Variants in EFNB2 observed in about 807,000 individuals in gnomAD.
EFNB2 encodes the protein ephrin B2, also known as ephrin-B2.
A neutral mutation model predicts 32.1 loss-of-function variants in EFNB2; 5 were observed. The ratio of observed to expected loss-of-function variants is 0.16; its 90% CI spans 0.08 to 0.33. EFNB2 has a LOEUF of 0.33. Ranked by LOEUF, EFNB2 falls within the 10% of genes least tolerant of loss-of-function variation. The pLI is 1.00. For missense variants in EFNB2, 263 were observed against 422.6 expected, an observed-to-expected ratio of 0.62 and a Z score of 3.31; for synonymous variants, 168 against 166.5, an observed-to-expected ratio of 1.01 and a Z score of -0.07.
intron 2 of EFNB2, among the ~76,000 whole-genome samples, chr13:106,502,234 T>C (rs1014037771): frequency 6.6e-5 from 10 of 152,212 alleles, no homozygotes; most frequent in Admixed American, 2.0e-4. Flanking sequence ...TTTTCTGCAC[T>C]AAACAGAATA....
intron 1 of EFNB2, among the ~76,000 whole-genome samples, chr13:106,534,231 G>A (rs1352579742): frequency 2.0e-5 from 3 of 152,170 alleles, no homozygotes; most frequent in African/African-American, 7.2e-5. Flanking sequence ...CGGCGCGGAG[G>A]AAAGGGCTCG....
At chr13:106,526,373 G>GT (rs1484564130) in intron 1 of EFNB2, among the ~76,000 whole-genome samples, 2 of 152,178 alleles carry the variant, frequency 1.3e-5, no homozygotes, top group African/African-American at 2.4e-5. Context: ...TTTAGGACAG[G>GT]TAGAGTGGTG....
rs979026901 is a variant in EFNB2 at position 106,490,761 on chromosome 13, T to C, written c.*2279A>G. The C allele has an allele frequency of 1.3e-5, 2 of 151,898 alleles. No homozygotes were observed. Among genetic ancestry groups the C allele is most frequent in the Non-Finnish European group, 2.9e-5 (2 of 67,954 alleles). The allele number at this position is 151,898 out of a possible 1,614,324, so 9.4% of individuals were successfully genotyped here. Reference sequence around the variant, plus strand: ...ATGATATAGATATATATAATATATATTGTAGATATATATTATACATATATG... The same window carrying C: ...ATGATATAGATATATATAATATATACTGTAGATATATATTATACATATATG... On this transcript the variant is annotated 3_prime_UTR_variant, in exon 5 of 5. Coordinates refer to ENST00000646441, the MANE Select transcript of EFNB2 (RefSeq NM_004093.4).
At chr13:106,522,537 G>A (rs9558780) in intron 1 of EFNB2, among the ~76,000 whole-genome samples, 92,140 of 152,060 alleles carry the variant, frequency 0.61, 28,862 homozygotes, top group East Asian at 0.76. Flanking sequence ...GCTCACGTAA[G>A]TCATACAGGG....
intron 1 of EFNB2, chr13:106,516,601 T>A (rs1879320166): frequency 6.6e-6 from 1 of 151,266 alleles, no homozygotes; most frequent in South Asian, 2.1e-4. Context: ...GGGAAACACA[T>A]TTTTTTCCCC....
At chr13:106,512,860 T>A in intron 1 of EFNB2, 48 bp from the exon 2 acceptor site, 1 of 1,468,910 alleles carries the variant, frequency 6.8e-7, no homozygotes. Flanking sequence ...AAATTAACAG[T>A]ATTAATGACA....
At chr13:106,530,708 T>G (rs9520094) in intron 1 of EFNB2, among the ~76,000 whole-genome samples, 43,041 of 152,126 alleles carry the variant, frequency 0.28, 6,322 homozygotes, top group Admixed American at 0.32. Context: ...CGCTGGGATC[T>G]CGAATAGTTT....
At chr13:106,530,630 T>C (rs998042460) in intron 1 of EFNB2, among the ~76,000 whole-genome samples, 9 of 152,194 alleles carry the variant, frequency 5.9e-5, no homozygotes, top group African/African-American at 1.7e-4. Context: ...AATTTTTTTA[T>C]TAGGGTCTAC....
At chr13:106,522,081 A>C (rs1479066369) in intron 1 of EFNB2, among the ~76,000 whole-genome samples, 2 of 152,014 alleles carry the variant, frequency 1.3e-5, no homozygotes, top group Non-Finnish European at 2.9e-5. Flanking sequence ...CACGCACCCC[A>C]AAAAAATCAG....
intron 1 of EFNB2, among the ~76,000 whole-genome samples, chr13:106,523,340 G>A (rs1397227478): frequency 6.6e-6 from 1 of 152,106 alleles, no homozygotes. Flanking sequence ...CTTTGAGGAC[G>A]ACCCATTTAT....
chr13:106,500,110 T>C (rs1269898310), intron 2 of EFNB2, among the ~76,000 whole-genome samples: 1 of 152,186 alleles, frequency 6.6e-6, no homozygotes, highest in African/African-American at 2.4e-5. Context: ...TAAAGCAGAC[T>C]GGAAGGGCAA....
intron 1 of EFNB2, among the ~76,000 whole-genome samples, chr13:106,528,540 C>T (rs995316832): frequency 6.6e-6 from 1 of 151,834 alleles, no homozygotes; most frequent in Non-Finnish European, 1.5e-5. Context: ...CACCAAGATG[C>T]ACTCCATCAA....
intron 1 of EFNB2, 90 bp downstream of exon 1, chr13:106,534,752 TC>T: frequency 2.8e-6 from 4 of 1,441,010 alleles, no homozygotes; most frequent in Non-Finnish European, 3.7e-6. Context: ...AGAAACAGGC[TC>T]CGAGGCCCCG....
Position 106,493,842 on chromosome 13 carries a change from T to C in EFNB2, c.614-414A>G, listed in dbSNP as rs746222959. Among the ~76,000 whole-genome samples, 1 of 152,202 alleles carries C rather than the reference T, an allele frequency of 6.6e-6. No homozygotes were observed. Among genetic ancestry groups the C allele is most frequent in the Non-Finnish European group, 1.5e-5 (1 of 68,038 alleles). Reference sequence around the variant, plus strand: ...GCCTCCTTTGAGAAAGGGAGTTTCATGCAAACCTTCAAAGGGCCTGCCTTC... The same window carrying C: ...GCCTCCTTTGAGAAAGGGAGTTTCACGCAAACCTTCAAAGGGCCTGCCTTC... On this transcript the variant is annotated intron_variant, in intron 4 of 4. Transcript: ENST00000646441. This position sits in a 1 kb window ranked among gnomAD's most constrained non-coding sequence, Gnocchi z 6.1.
chr13:106,514,535 G>A (rs1268507936), intron 1 of EFNB2, among the ~76,000 whole-genome samples: 2 of 152,192 alleles, frequency 1.3e-5, no homozygotes, highest in Non-Finnish European at 2.9e-5. Context: ...TGCTGCTGAG[G>A]TTAAAAACCT....
chr13:106,500,213 T>TC (rs894523501), intron 2 of EFNB2, among the ~76,000 whole-genome samples: 6 of 152,182 alleles, frequency 3.9e-5, no homozygotes, highest in African/African-American at 1.4e-4. Context: ...ACCGCTCTGC[T>TC]CCCAGGAGGC....
chr13:106,499,853 G>A (rs772192705), intron 2 of EFNB2, among the ~76,000 whole-genome samples: 1 of 152,178 alleles, frequency 6.6e-6, no homozygotes, highest in African/African-American at 2.4e-5. Context: ...ACTGCATGTA[G>A]TAAGTATATA....
chr13:106,523,953 C>T (rs931765598), intron 1 of EFNB2, among the ~76,000 whole-genome samples: 3 of 152,198 alleles, frequency 2.0e-5, no homozygotes, highest in African/African-American at 7.2e-5. Context: ...AATCTGACCT[C>T]CTTTTCTCCC....
At chr13:106,530,640 C>T (rs1446880464) in intron 1 of EFNB2, among the ~76,000 whole-genome samples, 1 of 152,188 alleles carries the variant, frequency 6.6e-6, no homozygotes, top group African/African-American at 2.4e-5. Flanking sequence ...TTAGGGTCTA[C>T]AATCTGTATT....
Sources: gnomAD v4.1 joint callset for allele counts (sites outside exome capture counted in the v4.1 genomes callset) on GRCh38, gnomAD v4.1.1 for gene constraint, Gnocchi (gnomAD v3.1) non-coding constraint, MANE v1.5 for transcripts, NCBI Gene and HGNC (gene_info 2026-07-23, HGNC 2026-07-21) for gene names.